DOCK3: variants seen among roughly 807,000 people sequenced by gnomAD.
DOCK3 encodes the protein dedicator of cytokinesis 3.
Under a neutral mutation model 265.6 loss-of-function variants are expected in DOCK3, and 60 were observed. The observed-to-expected ratio is 0.23, with a 90% CI of 0.18 to 0.28. The LOEUF (loss-of-function observed/expected upper bound fraction) is 0.28, where lower values mean the gene tolerates loss of function less well. DOCK3 is among the 10% of genes least tolerant of loss of function. DOCK3 has a pLI of 1.00. For synonymous variants in DOCK3, 881 were observed against 938.0 expected, an observed-to-expected ratio of 0.94 and a Z score of 1.11; for missense variants, 1,981 against 2,594.3, an observed-to-expected ratio of 0.76 and a Z score of 5.14.
At chr3:51,150,887 G>C (rs1320873447) in intron 10 of DOCK3, among the ~76,000 whole-genome samples, 1 of 152,102 alleles carries the variant, frequency 6.6e-6, no homozygotes, top group Non-Finnish European at 1.5e-5. Context: ...ATTCCTGGAT[G>C]TCCTTGTTAG....
chr3:50,768,171 A>G (rs148646833), intron 1 of DOCK3, among the ~76,000 whole-genome samples: 2 of 152,246 alleles, frequency 1.3e-5, no homozygotes, highest in Non-Finnish European at 2.9e-5. Context: ...GAGTGGTGAG[A>G]GAGGGCATCC....
intron 2 of DOCK3, among the ~76,000 whole-genome samples, chr3:50,782,783 C>T (rs1014018040): frequency 4.6e-5 from 7 of 151,836 alleles, no homozygotes; most frequent in African/African-American, 1.7e-4. Context: ...ATCCCTCACC[C>T]ACCTCCCACC....
intron 9 of DOCK3, among the ~76,000 whole-genome samples, chr3:51,132,103 G>A (rs544048018): frequency 1.2e-3 from 177 of 152,198 alleles, no homozygotes; most frequent in Non-Finnish European, 2.1e-3. Flanking sequence ...TCCTCTCACA[G>A]TGGACCATCT....
At chr3:51,173,822 A>G (rs1432150635) in intron 12 of DOCK3, among the ~76,000 whole-genome samples, 2 of 152,158 alleles carry the variant, frequency 1.3e-5, no homozygotes, top group Non-Finnish European at 2.9e-5. Context: ...TTTGAGCTTC[A>G]TGAATCTGGA....
At chr3:50,946,410 A>G (rs911099178) in intron 5 of DOCK3, among the ~76,000 whole-genome samples, 2 of 152,232 alleles carry the variant, frequency 1.3e-5, no homozygotes, top group Non-Finnish European at 2.9e-5. Context: ...TGTAATTAAA[A>G]TTAGTATTTT....
intron 3 of DOCK3, among the ~76,000 whole-genome samples, chr3:50,874,730 T>G (rs2047616508): frequency 6.6e-6 from 1 of 152,194 alleles, no homozygotes; most frequent in Non-Finnish European, 1.5e-5. Context: ...TCAGATTGCC[T>G]TTTTGATTTT....
intron 3 of DOCK3, among the ~76,000 whole-genome samples, chr3:50,870,119 A>C (rs978093705): frequency 2.0e-5 from 3 of 152,142 alleles, no homozygotes; most frequent in African/African-American, 7.2e-5. Context: ...GTAAATATCT[A>C]TTCGATTCAT....
intron 12 of DOCK3, among the ~76,000 whole-genome samples, chr3:51,178,838 A>G (rs1290512049): frequency 2.0e-5 from 3 of 152,254 alleles, no homozygotes; most frequent in Non-Finnish European, 4.4e-5. Context: ...AGAAATAAGT[A>G]CAGAGAGAAT....
intron 50 of DOCK3, among the ~76,000 whole-genome samples, 155 bp from the exon 51 acceptor site, chr3:51,375,593 C>G (rs2088043281): frequency 6.6e-6 from 1 of 152,198 alleles, no homozygotes; most frequent in African/African-American, 2.4e-5. Context: ...TAGGGCTGGC[C>G]TGGGGGTCTC....
At chr3:50,959,353 A>G (rs1462763349) in intron 5 of DOCK3, among the ~76,000 whole-genome samples, 4 of 151,930 alleles carry the variant, frequency 2.6e-5, no homozygotes, top group Non-Finnish European at 4.4e-5. Context: ...AATAATGAGA[A>G]TATCTAAAAT....
At chr3:51,104,882 A>G (rs1207775176) in intron 9 of DOCK3, among the ~76,000 whole-genome samples, 1 of 152,110 alleles carries the variant, frequency 6.6e-6, no homozygotes, top group Non-Finnish European at 1.5e-5. Flanking sequence ...TTAACCTCCT[A>G]GGCTCAAGTA....
chr3:51,066,908 G>A (rs1291231243), intron 6 of DOCK3, among the ~76,000 whole-genome samples: 1 of 152,116 alleles, frequency 6.6e-6, no homozygotes, highest in East Asian at 1.9e-4. Context: ...CTATAATAGT[G>A]TATAACATGA....
At chr3:51,067,114 A>G (rs970420339) in intron 6 of DOCK3, among the ~76,000 whole-genome samples, 9 of 152,218 alleles carry the variant, frequency 5.9e-5, no homozygotes, top group African/African-American at 2.2e-4. Flanking sequence ...ATATAACATT[A>G]CTGTGTGCCA....
At chr3:50,859,932 G>A (rs2046824085) in intron 3 of DOCK3, among the ~76,000 whole-genome samples, 1 of 152,138 alleles carries the variant, frequency 6.6e-6, no homozygotes, top group Admixed American at 6.6e-5. Context: ...GTACTTCTTG[G>A]CTGCCCACTG....
intron 3 of DOCK3, among the ~76,000 whole-genome samples, chr3:50,863,903 A>G (rs537543999): frequency 1.1e-4 from 17 of 152,362 alleles, no homozygotes; most frequent in Admixed American, 6.5e-5. Flanking sequence ...GCTATTGCCA[A>G]TAATGCTCCA....
At chr3:50,861,381 G>A (rs1016538560) in intron 3 of DOCK3, among the ~76,000 whole-genome samples, 11 of 152,124 alleles carry the variant, frequency 7.2e-5, no homozygotes, top group South Asian at 2.1e-4. Flanking sequence ...TGTCCCATGC[G>A]CAGATGAGAA....
At chr3:51,212,658 G>C (rs1266791851) in intron 13 of DOCK3, among the ~76,000 whole-genome samples, 11 of 152,162 alleles carry the variant, frequency 7.2e-5, no homozygotes. Context: ...AGAGATTATT[G>C]TGGTTTTGGT....
At chr3:51,371,123 T>C (rs2087647922) in intron 49 of DOCK3, among the ~76,000 whole-genome samples, 1 of 152,178 alleles carries the variant, frequency 6.6e-6, no homozygotes, top group Non-Finnish European at 1.5e-5. Context: ...TCAACCCAGA[T>C]ACCAGAAAGA....
intron 2 of DOCK3, chr3:50,787,025 T>A: frequency 1.3e-6 from 1 of 741,098 alleles, no homozygotes; most frequent in Non-Finnish European, 2.6e-6. Flanking sequence ...CTCACAAATT[T>A]CACAGGAAAA....
Sources: gnomAD v4.1 joint callset for allele counts (sites outside exome capture counted in the v4.1 genomes callset) on GRCh38, gnomAD v4.1.1 for gene constraint, MANE v1.5 for transcripts, NCBI Gene and HGNC (gene_info 2026-07-23, HGNC 2026-07-21) for gene names.